AGBL3: variants seen among roughly 807,000 people sequenced by gnomAD.
AGBL3 encodes AGBL carboxypeptidase 3, also known as cytosolic carboxypeptidase 3.
AGBL3 carries 68 observed loss-of-function variants against 94.5 expected under a neutral mutation model. The observed-to-expected ratio is 0.72, with a 90% CI of 0.59 to 0.88. The LOEUF is 0.88. Ranked by LOEUF, AGBL3 falls within the 40% of genes least tolerant of loss-of-function variation. The probability of loss-of-function intolerance (pLI) is 0.00; values close to 1 mark genes in which losing one functional copy is unlikely to be tolerated. For missense variants in AGBL3, 934 were observed against 1,103.8 expected (o/e 0.85, Z 2.18); for synonymous variants, 354 against 370.7 (o/e 0.95, Z 0.52).
chr7:135,011,766 T>C (rs1813191463), intron 4 of AGBL3: 1 of 152,194 alleles, frequency 6.6e-6, no homozygotes. Flanking sequence ...ATTTAACTTA[T>C]ACTAAGGAAT....
Position 135,032,992 on chromosome 7 carries a change from A to G in AGBL3, c.557+10A>G. On this transcript the variant is annotated intron_variant, in intron 6 of 16. Transcript: ENST00000436302. ...AGAAGGTAGTCAAAGTGTAGGTTCTAATTATTTTTATTTAAGGAGCTAGAC... is the reference window on the plus strand; with the variant it reads ...AGAAGGTAGTCAAAGTGTAGGTTCTGATTATTTTTATTTAAGGAGCTAGAC... 1 of 1,538,504 alleles carries G rather than the reference A, an allele frequency of 6.5e-7. No individual in the cohort carries two copies. Among genetic ancestry groups the G allele is most frequent in the Non-Finnish European group, 8.8e-7 (1 of 1,141,906 alleles).
intron 15 of AGBL3, among the ~76,000 whole-genome samples, chr7:135,096,734 AGAAAGAAT>A (rs773089027): frequency 7.8e-5 from 7 of 89,264 alleles, no homozygotes; most frequent in East Asian, 3.3e-4. Flanking sequence ...AGAAAGAAAG[AGAAAGAAT>A]GAAAGAAAGA....
rs372567159 is a variant in AGBL3, at chr7:135,008,848, T to C, written c.311-8204T>C. Among the ~76,000 whole-genome samples the C allele has an allele frequency of 3.4e-4, 51 of 152,154 alleles. 1 individual carries two copies. Among genetic ancestry groups the C allele is most frequent in the African/African-American group, 1.0e-3 (43 of 41,444 alleles). ...GATCTAAATAAACATTTCTCCAAAG[T>C]AGATGAACAAATGGTCAATAAACAC... On this transcript the variant is annotated intron_variant, in intron 4 of 16. Transcript: ENST00000436302.
chr7:135,108,656 C>CT (rs1253870468), intron 15 of AGBL3, among the ~76,000 whole-genome samples: 2 of 152,122 alleles, frequency 1.3e-5, no homozygotes, highest in African/African-American at 4.8e-5. Flanking sequence ...CTTGGAAAAT[C>CT]TGATGTTTAT....
intron 5 of AGBL3, among the ~76,000 whole-genome samples, chr7:135,021,385 A>G (rs1203907597): frequency 1.3e-5 from 2 of 148,936 alleles, no homozygotes; most frequent in African/African-American, 2.5e-5. Flanking sequence ...TCCACCTCCC[A>G]GGTTCATGCC....
At chr7:135,048,450 G>A (rs1817576925) in intron 11 of AGBL3, among the ~76,000 whole-genome samples, 1 of 138,790 alleles carries the variant, frequency 7.2e-6, no homozygotes, top group African/African-American at 2.7e-5. Flanking sequence ...AGTAGTATAG[G>A]CATTTTAACA....
At chr7:135,096,558 A>AAGAAAGATAGAT (rs1303741491) in intron 15 of AGBL3, among the ~76,000 whole-genome samples, 4 of 79,716 alleles carry the variant, frequency 5.0e-5, no homozygotes, top group Non-Finnish European at 1.0e-4. Context: ...GAAAGAAAGA[A>AAGAAAGATAGAT]AGATAGATAG....
chr7:134,993,336 T>G lies in AGBL3; in HGVS notation c.125-157T>G, dbSNP rs144503564. On this transcript the variant is annotated intron_variant, in intron 3 of 16. Coordinates refer to ENST00000436302, the MANE Select transcript of AGBL3 (RefSeq NM_178563.4). ...GAAGATCAATCATCACAAAATTTCA[T>G]TAGTACTTTTATAAACAGTGCCATG... Among the ~76,000 whole-genome samples the G allele has an allele frequency of 1.3e-3, 196 of 152,328 alleles. 3 individuals carry two copies. The highest frequency in any genetic ancestry group is 4.7e-3 in the African/African-American group (194 of 41,562).
At chr7:135,111,227 G>T (rs1807696313) in intron 15 of AGBL3, among the ~76,000 whole-genome samples, 2 of 152,138 alleles carry the variant, frequency 1.3e-5, no homozygotes, top group Non-Finnish European at 2.9e-5. Context: ...CAGTGCTCTA[G>T]ATCCCATGTC....
intron 11 of AGBL3, among the ~76,000 whole-genome samples, chr7:135,054,003 G>T (rs1818120792): frequency 6.6e-6 from 1 of 152,054 alleles, no homozygotes; most frequent in African/African-American, 2.4e-5. Context: ...TTAAAAATTT[G>T]TTTACTTTTA....
chr7:135,069,296 G>C (rs571511272), intron 12 of AGBL3, among the ~76,000 whole-genome samples: 11 of 152,262 alleles, frequency 7.2e-5, no homozygotes, highest in African/African-American at 2.4e-4. Flanking sequence ...ACACCCCACT[G>C]TCAACATTAG....
At chr7:135,019,683 AACCAAAACAGCACGGTACTGGT>A (rs1814209829) in intron 5 of AGBL3, among the ~76,000 whole-genome samples, 1 of 152,212 alleles carries the variant, frequency 6.6e-6, no homozygotes, top group Non-Finnish European at 1.5e-5. Flanking sequence ...AGGCTACAGT[AACCAAAACAGCACGGTACTGGT>A]ACCAAAACAG....
At chr7:135,037,262 A>T (rs1219889697) in intron 7 of AGBL3, among the ~76,000 whole-genome samples, 156 bp from the exon 8 acceptor site, 4 of 152,330 alleles carry the variant, frequency 2.6e-5, no homozygotes, top group African/African-American at 9.6e-5. Flanking sequence ...TTGTAGATTT[A>T]AAAAATTGTA....
intron 12 of AGBL3, among the ~76,000 whole-genome samples, chr7:135,067,951 G>A (rs1185885676): frequency 6.6e-6 from 1 of 152,140 alleles, no homozygotes. Context: ...GCTAAAGGAG[G>A]AAGTTCGAAC....
intron 8 of AGBL3, among the ~76,000 whole-genome samples, chr7:135,042,336 C>G (rs1439024982): frequency 6.6e-6 from 1 of 152,000 alleles, no homozygotes; most frequent in East Asian, 1.9e-4. Flanking sequence ...TAGTACTTGC[C>G]AATAAAAAGG....
In AGBL3 at chr7:135,054,747, T is replaced by C. The variant is rs191824392; in HGVS notation, c.1842-4422T>C. ...AGTTATAAAAATATGCATGCACACA[T>C]ATATTTGTATGTTTCCTTATTTCCA... On this transcript the variant is annotated intron_variant, in intron 11 of 16. Coordinates refer to ENST00000436302, the MANE Select transcript of AGBL3 (RefSeq NM_178563.4). Among the ~76,000 whole-genome samples, 259 of 152,328 alleles carry C rather than the reference T, an allele frequency of 1.7e-3. 2 individuals are homozygous for C. The highest frequency in any genetic ancestry group is 6.2e-3 in the African/African-American group (256 of 41,592).
chr7:135,024,548 A>C (rs1202432330), intron 5 of AGBL3, among the ~76,000 whole-genome samples: 6 of 152,358 alleles, frequency 3.9e-5, no homozygotes, highest in Non-Finnish European at 1.5e-5. Flanking sequence ...CTCAGATGAG[A>C]AAGAATCAGC....
chr7:135,067,899 C>G (rs187288322), intron 12 of AGBL3, among the ~76,000 whole-genome samples: 1 of 152,014 alleles, frequency 6.6e-6, no homozygotes, highest in Non-Finnish European at 1.5e-5. Context: ...AAATGACTGA[C>G]GAGTTGAGAG....
chr7:135,131,969 C>T (rs986482599), intron 16 of AGBL3, among the ~76,000 whole-genome samples: 3 of 152,072 alleles, frequency 2.0e-5, no homozygotes, highest in Admixed American at 6.5e-5. Flanking sequence ...ACTACCCCAA[C>T]TCATTCAATA....
Sources: gnomAD v4.1 joint callset for allele counts (sites outside exome capture counted in the v4.1 genomes callset) on GRCh38, gnomAD v4.1.1 for gene constraint, MANE v1.5 for transcripts, NCBI Gene and HGNC (gene_info 2026-07-23, HGNC 2026-07-21) for gene names.